The following EP400 variants were observed in gnomAD, a reference collection of about 807,000 sequenced individuals.
EP400 encodes E1A binding protein p400.
EP400 carries 105 observed loss-of-function variants against 354.1 expected under a neutral mutation model. The observed-to-expected ratio is 0.30, with a 90% confidence interval of 0.25 to 0.35. EP400 has a LOEUF of 0.35. EP400 is among the 10% of genes least tolerant of loss of function. The pLI is 1.00. For synonymous variants in EP400, 1,646 were observed against 1,716.9 expected, an observed-to-expected ratio of 0.96 and a Z score of 1.02; for missense variants, 3,280 against 4,121.0, an observed-to-expected ratio of 0.80 and a Z score of 5.59.
Position 132,024,002 on chromosome 12 carries a change from C to A in EP400, c.4855+61C>A, listed in dbSNP as rs1327145229. 3.4e-6 allele frequency: 5 copies of A among 1,472,130 alleles called. No individual in the cohort carries two copies. The African/African-American group carries it at 7.2e-5, about 21-fold the overall frequency. 91.2% of individuals were successfully genotyped at this position (1,472,130 alleles called of 1,614,324 possible). The stretch of plus-strand genomic sequence containing the variant: ...ATGACAAAAGCGCCTCACCATGAGC[C>A]CTGCTGCCCACGGGCCTGCCTTGTG... On this transcript the variant is annotated intron_variant, in intron 24 of 52. Transcript: ENST00000389561.
At position 131,994,441 on chromosome 12, in the gene EP400, C is replaced by A. The variant is rs567000282; in HGVS notation, c.2738-426C>A. ...TTCAGGGCTGGAGGGCTGAAGAGAG[C>A]GGAGTGGGCTTGGGTTGGTGATTGT... On this transcript the variant is annotated intron_variant, in intron 11 of 52. Transcript: ENST00000389561. This position sits in a 1 kb window ranked among gnomAD's most constrained non-coding sequence, Gnocchi z 4.6. 6.6e-6 allele frequency among the ~76,000 whole-genome samples: 1 copy of A among 151,864 alleles called. No homozygotes were observed. Among genetic ancestry groups the A allele is most frequent in the East Asian group, 1.9e-4 (1 of 5,148 alleles).
In EP400 at chr12:131,966,828, T is replaced by A. The variant is rs544151126; in HGVS notation, c.1335+4874T>A. Among the ~76,000 whole-genome samples, 3 of 134,518 alleles carry A rather than the reference T, an allele frequency of 2.2e-5. No homozygotes were observed. The East Asian group carries it at 6.5e-4, about 29-fold the overall frequency. 88.2% of individuals were successfully genotyped at this position (134,518 alleles called of 152,430 possible). A position where few individuals can be genotyped will look rare whatever the true frequency, so the allele number is the denominator to read the frequency against. On this transcript the variant is annotated intron_variant, in intron 2 of 52. Coordinates refer to ENST00000389561, the MANE Select transcript of EP400 (RefSeq NM_015409.5). ...CTGAGGCAGGAGAATCACTTGAACT[T>A]GGGAGGTGGAGGTTACAGTGAGCCG...
At chr12:132,047,089 C>T (rs1035007455) in intron 39 of EP400, among the ~76,000 whole-genome samples, 3 of 152,234 alleles carry the variant, frequency 2.0e-5, no homozygotes, top group Admixed American at 6.5e-5. Flanking sequence ...CCTCAGGATG[C>T]GAACATCACA....
At chr12:132,037,825 A>C in intron 31 of EP400, 32 bp downstream of exon 31, 1 of 1,612,264 alleles carries the variant, frequency 6.2e-7, no homozygotes, top group Non-Finnish European at 8.5e-7. Flanking sequence ...GCCTGAGGTG[A>C]GACCCGCCAT....
Position 132,075,697 on chromosome 12 carries a change from G to A in EP400, c.9022-819G>A, listed in dbSNP as rs1257065165. 6.6e-6 allele frequency: 1 copy of A among 152,274 alleles called. No homozygotes were observed. Among genetic ancestry groups the A allele is most frequent in the Non-Finnish European group, 1.5e-5 (1 of 68,084 alleles). 9.4% of individuals were successfully genotyped at this position (152,274 alleles called of 1,614,324 possible). A position where few individuals can be genotyped will look rare whatever the true frequency, so the allele number is the denominator to read the frequency against. ...TATTTCGACCTTTGTTCATGTGTGAGTAAATCATGTAATTTCACATATTTC... is the reference window on the plus strand; with the variant it reads ...TATTTCGACCTTTGTTCATGTGTGAATAAATCATGTAATTTCACATATTTC... On this transcript the variant is annotated intron_variant, in intron 51 of 52. Transcript: ENST00000389561. This position sits in a 1 kb window ranked among gnomAD's most constrained non-coding sequence, Gnocchi z 4.5.
intron 1 of EP400, among the ~76,000 whole-genome samples, chr12:131,958,215 G>A (rs1891767711): frequency 6.6e-6 from 1 of 152,196 alleles, no homozygotes; most frequent in African/African-American, 2.4e-5. Context: ...TGTTTTGAAA[G>A]TAATAAGCAT....
Position 132,017,439 on chromosome 12 carries a change from C to T in EP400, c.3924-96C>T, listed in dbSNP as rs988014018. 4.4e-6 allele frequency: 6 copies of T among 1,372,792 alleles called. No individual in the cohort carries two copies. Among genetic ancestry groups the T allele is most frequent in the Non-Finnish European group, 6.0e-6 (6 of 997,872 alleles). 85.0% of individuals were successfully genotyped at this position (1,372,792 alleles called of 1,614,324 possible). On this transcript the variant is annotated intron_variant, in intron 19 of 52. Transcript: ENST00000389561. The surrounding 1 kb of genome is among the most constrained non-coding windows in gnomAD (Gnocchi z 5.0). Reference sequence around the variant, plus strand: ...GCGGACCTAGAAAATCTGCTCCTGCCTGCCTTTCTGGAGTTGGGACAGTCG... The same window carrying T: ...GCGGACCTAGAAAATCTGCTCCTGCTTGCCTTTCTGGAGTTGGGACAGTCG...
At chr12:132,046,766 C>T (rs544874302) in intron 39 of EP400, among the ~76,000 whole-genome samples, 7 of 152,232 alleles carry the variant, frequency 4.6e-5, no homozygotes, top group African/African-American at 1.2e-4. Flanking sequence ...CTGCCTTTCT[C>T]GCCTCAGGAC....
chr12:132,069,597 G>T lies in EP400; in HGVS notation c.8977G>T (p.Ala2993Ser), dbSNP rs1356209570. The T allele has an allele frequency of 1.2e-6, 2 of 1,614,134 alleles. No homozygotes were observed. Among genetic ancestry groups the T allele is most frequent in the African/African-American group, 1.3e-5 (1 of 74,956 alleles). Residue 2993 changes from alanine (A) to serine (S), a missense_variant, in exon 51 of 53, where the codon GCC becomes TCC. By Grantham distance (99) the Ala-to-Ser change is moderately conservative. Coordinates refer to ENST00000389561, the MANE Select transcript of EP400 (RefSeq NM_015409.5). Reference sequence around the variant, plus strand: ...GTTTCTTACCACACCCATCTCCCAGGCCCAGAAACTGGCCGGGGCCCAGCA... The same window carrying T: ...GTTTCTTACCACACCCATCTCCCAGTCCCAGAAACTGGCCGGGGCCCAGCA... Reference protein sequence around the residue: ...TQFLTTPISQAQKLAGAQQVQ... With the variant: ...TQFLTTPISQSQKLAGAQQVQ...
rs765289235 is a variant in EP400, at chr12:131,961,152, G to A, written c.533G>A (p.Arg178Lys). 8 of 1,608,780 alleles carry A rather than the reference G, an allele frequency of 5.0e-6. No individual in the cohort carries two copies. In the South Asian group the frequency reaches 8.9e-5, roughly 18 times the overall value. Residue 178 changes from arginine to lysine, a missense_variant, in exon 2 of 53, where the codon AGG (arginine) becomes AAG (lysine). Arg to Lys is a conservative substitution (Grantham distance 26). Transcript: ENST00000389561. ...GGFVDASVLV[R>K]QISLSPSSGG... ...TTCGTGGATGCCAGCGTGCTGGTGA[G>A]GCAGATCAGCTTGAGCCCCTCCAGT...
chr12:132,014,333 G>A (rs908333952), intron 19 of EP400, among the ~76,000 whole-genome samples: 9 of 152,200 alleles, frequency 5.9e-5, no homozygotes, highest in Admixed American at 2.0e-4. Flanking sequence ...TGTCTGTGGC[G>A]CAATGAGTCG....
intron 12 of EP400, among the ~76,000 whole-genome samples, chr12:131,995,181 G>T (rs77570978): frequency 6.6e-6 from 1 of 152,172 alleles, no homozygotes; most frequent in South Asian, 2.1e-4. Context: ...TGCCACCTGC[G>T]TGTGTCTCCC....
intron 2 of EP400, among the ~76,000 whole-genome samples, chr12:131,963,060 T>C (rs1338113503): frequency 6.6e-6 from 1 of 152,230 alleles, no homozygotes; most frequent in Non-Finnish European, 1.5e-5. Context: ...TGTCCTGAAA[T>C]AGTAAAATTC....
chr12:131,990,616 A>C lies in EP400; in HGVS notation c.2551-20A>C, dbSNP rs139223826. 1 of 1,567,666 alleles carries C rather than the reference A, an allele frequency of 6.4e-7. No individual in the cohort carries two copies. The highest frequency in any genetic ancestry group is 2.2e-5 in the East Asian group (1 of 44,664). ...CCCATCCTTAGTAATGTGCTTATTC[A>C]TTTAATCCTTTGCATTTAGGTTGTG... is the stretch of plus-strand genomic sequence containing the variant. On this transcript the variant is annotated intron_variant, in intron 8 of 52. Transcript: ENST00000389561. The surrounding 1 kb of genome is among the most constrained non-coding windows in gnomAD (Gnocchi z 4.2).
chr12:132,069,288 G>A, intron 50 of EP400: 1 of 616,506 alleles, frequency 1.6e-6, no homozygotes, highest in South Asian at 3.0e-5. Flanking sequence ...GGAGAAGCTG[G>A]CGGCCATGCC....
chr12:131,962,008 T>C, intron 2 of EP400, 54 bp downstream of exon 2: 1 of 1,526,708 alleles, frequency 6.6e-7, no homozygotes, highest in South Asian at 1.2e-5. Context: ...GATCAGAGTC[T>C]ATGCGACAAT....
Position 131,980,536 on chromosome 12 carries a change from T to C in EP400, c.1435+743T>C, listed in dbSNP as rs78566288. ...AGTCTCATGGTTTTTTTTTCCTACA[T>C]GTTTATCAGTCTATCCATCTGCTTA... On this transcript the variant is annotated intron_variant, in intron 3 of 52. Transcript: ENST00000389561. 7.0e-3 allele frequency among the ~76,000 whole-genome samples: 1,067 copies of C among 152,192 alleles called. 9 individuals carry two copies. The highest frequency in any genetic ancestry group is 0.024 in the African/African-American group (996 of 41,518).
intron 2 of EP400, among the ~76,000 whole-genome samples, chr12:131,969,385 A>G (rs1892212874): frequency 6.6e-6 from 1 of 152,184 alleles, no homozygotes; most frequent in African/African-American, 2.4e-5. Context: ...CATGTAACCC[A>G]TACAATGGTC....
chr12:131,964,847 T>C (rs1892023368), intron 2 of EP400, among the ~76,000 whole-genome samples: 1 of 152,264 alleles, frequency 6.6e-6, no homozygotes, highest in African/African-American at 2.4e-5. Context: ...TAATACATTC[T>C]AATCCATAGT....
Sources: gnomAD v4.1 joint callset for allele counts (sites outside exome capture counted in the v4.1 genomes callset) on GRCh38, gnomAD v4.1.1 for gene constraint, Gnocchi (gnomAD v3.1) non-coding constraint, MANE v1.5 for transcripts, NCBI Gene and HGNC (gene_info 2026-07-23, HGNC 2026-07-21) for gene names.